CSMD3: variants seen among roughly 807,000 people sequenced by gnomAD.
The protein encoded by CSMD3 is CUB and sushi domain-containing protein 3.
Under a neutral mutation model 435.2 loss-of-function variants are expected in CSMD3, and 177 were observed. The ratio of observed to expected loss-of-function variants is 0.41; its 90% confidence interval spans 0.36 to 0.46. CSMD3 has a LOEUF of 0.46. Ranked by LOEUF, CSMD3 falls within the 20% of genes least tolerant of loss-of-function variation. The probability of loss-of-function intolerance (pLI) is 0.34; values close to 1 mark genes in which losing one functional copy is unlikely to be tolerated. For missense variants in CSMD3, 4,265 were observed against 4,504.6 expected, an observed-to-expected ratio of 0.95 and a Z score of 1.52; for synonymous variants, 1,656 against 1,520.5, an observed-to-expected ratio of 1.09 and a Z score of -2.07.
chr8:112,598,278 A>G (rs1831952982), intron 22 of CSMD3, among the ~76,000 whole-genome samples: 1 of 145,134 alleles, frequency 6.9e-6, no homozygotes, highest in Admixed American at 6.9e-5. Flanking sequence ...ATTGCTTCAA[A>G]GAGAATAAAA....
chr8:113,126,424 G>A (rs981350777), intron 4 of CSMD3, among the ~76,000 whole-genome samples: 1 of 151,766 alleles, frequency 6.6e-6, no homozygotes, highest in African/African-American at 2.4e-5. Flanking sequence ...TTATATTGAT[G>A]TATATAGTTG....
chr8:112,970,077 T>C (rs1198484280), intron 7 of CSMD3, among the ~76,000 whole-genome samples: 2 of 151,954 alleles, frequency 1.3e-5, no homozygotes, highest in East Asian at 1.9e-4. Context: ...GTCCATAATT[T>C]TCTCCACAAA....
At chr8:112,872,689 A>G (rs1235817760) in intron 10 of CSMD3, among the ~76,000 whole-genome samples, 1 of 151,994 alleles carries the variant, frequency 6.6e-6, no homozygotes, top group Non-Finnish European at 1.5e-5. Flanking sequence ...GGATGAAAAG[A>G]TACATGGTAT....
intron 4 of CSMD3, among the ~76,000 whole-genome samples, chr8:113,107,944 G>A: frequency 6.6e-6 from 1 of 152,078 alleles, no homozygotes; most frequent in East Asian, 1.9e-4. Context: ...AACATGAAAT[G>A]AACAAATAAA....
intron 1 of CSMD3, among the ~76,000 whole-genome samples, chr8:113,383,567 T>C (rs559912887): frequency 1.3e-5 from 2 of 152,114 alleles, no homozygotes; most frequent in East Asian, 3.9e-4. Context: ...TCTGAGAATA[T>C]AAAGTTTGGA....
chr8:113,038,750 A>G (rs1208435013), intron 5 of CSMD3, among the ~76,000 whole-genome samples: 1 of 152,134 alleles, frequency 6.6e-6, no homozygotes, highest in African/African-American at 2.4e-5. Flanking sequence ...TTAGGGAAGA[A>G]AGACCATAAT....
chr8:113,369,672 CAAAT>C (rs1014660898), intron 1 of CSMD3, among the ~76,000 whole-genome samples: 14 of 151,512 alleles, frequency 9.2e-5, no homozygotes, highest in African/African-American at 2.9e-4. Context: ...CATCAACAGA[CAAAT>C]AGATAAAGAA....
At chr8:112,869,567 A>AAAGACACTT (rs2081074149) in intron 10 of CSMD3, among the ~76,000 whole-genome samples, 1 of 152,190 alleles carries the variant, frequency 6.6e-6, no homozygotes, top group Non-Finnish European at 1.5e-5. Flanking sequence ...ATCCTACTAT[A>AAAGACACTT]AAGACACTTG....
At chr8:112,998,189 AAT>A (rs2085726700) in intron 6 of CSMD3, among the ~76,000 whole-genome samples, 1 of 151,820 alleles carries the variant, frequency 6.6e-6, no homozygotes, top group African/African-American at 2.4e-5. Flanking sequence ...TTAAATAAAT[AAT>A]GATTGTTTTA....
chr8:112,618,108 C>T (rs1415888017), intron 22 of CSMD3, among the ~76,000 whole-genome samples: 1 of 151,960 alleles, frequency 6.6e-6, no homozygotes, highest in Non-Finnish European at 1.5e-5. Context: ...AAGAGATCTC[C>T]AGGTTAAAAT....
intron 5 of CSMD3, among the ~76,000 whole-genome samples, chr8:113,098,129 A>G (rs1043831572): frequency 6.6e-6 from 1 of 152,026 alleles, no homozygotes; most frequent in Admixed American, 6.6e-5. Context: ...AAATCTTCAC[A>G]TGGCTTAAAA....
At chr8:112,864,705 G>A (rs1339105527) in intron 10 of CSMD3, among the ~76,000 whole-genome samples, 2 of 152,168 alleles carry the variant, frequency 1.3e-5, no homozygotes, top group East Asian at 3.9e-4. Context: ...AAAAAACAAT[G>A]AAGGGGCATT....
chr8:112,371,954 G>A (rs367660275), intron 38 of CSMD3, among the ~76,000 whole-genome samples: 4 of 151,602 alleles, frequency 2.6e-5, no homozygotes, highest in African/African-American at 7.2e-5. Context: ...ACAAATGACA[G>A]TTCCAAAGAC....
At chr8:112,612,602 C>T (rs1833342862) in intron 22 of CSMD3, among the ~76,000 whole-genome samples, 1 of 151,476 alleles carries the variant, frequency 6.6e-6, no homozygotes, top group South Asian at 2.1e-4. Flanking sequence ...TGGGAAACAG[C>T]GTTCTTCTGA....
chr8:112,223,301 C>G lies in CSMD3; in HGVS notation c.*1470G>C. ...TAAATGTTGTAGAGATAGAGCCAAGCAGCGCTCCCAGGTGCAAGGGTTTCT... is the reference window on the plus strand; with the variant it reads ...TAAATGTTGTAGAGATAGAGCCAAGGAGCGCTCCCAGGTGCAAGGGTTTCT... On this transcript the variant is annotated 3_prime_UTR_variant, in exon 71 of 71. Coordinates refer to ENST00000297405, the MANE Select transcript of CSMD3 (RefSeq NM_198123.2). 2.8e-6 allele frequency: 1 copy of G among 360,072 alleles called. No individual in the cohort carries two copies. Among genetic ancestry groups the G allele is most frequent in the Non-Finnish European group, 5.0e-6 (1 of 200,690 alleles). 22.3% of individuals were successfully genotyped at this position (360,072 alleles called of 1,614,324 possible).
rs1486319011 is a variant in CSMD3 at position 112,550,757 on chromosome 8, C to T, written c.4478G>A (p.Gly1493Glu). The change falls in exon 27 of 71, where the codon GGA (glycine) becomes GAA (glutamate). Residue 1493 changes from glycine (G) to glutamate (E), a missense_variant. Coordinates refer to ENST00000297405, the MANE Select transcript of CSMD3 (RefSeq NM_198123.2). ...KEISGSLIPE[G>E]IHSTLNIVTI... The stretch of plus-strand genomic sequence containing the variant: ...TACTATATTGAGGGTGCTATGAATT[C>T]CTTCAGGAATAAGAGATCCACTAAT... The T allele has an allele frequency of 3.1e-6, 5 of 1,604,408 alleles. No homozygotes were observed. In the Admixed American group the frequency reaches 8.4e-5, roughly 27 times the overall value.
chr8:112,585,072 A>G (rs1830618194), intron 23 of CSMD3, among the ~76,000 whole-genome samples: 1 of 151,658 alleles, frequency 6.6e-6, no homozygotes, highest in South Asian at 2.1e-4. Context: ...GGTAACATTA[A>G]GCATCTTACC....
At chr8:112,501,879 T>A (rs1050508629) in intron 30 of CSMD3, among the ~76,000 whole-genome samples, 3 of 152,216 alleles carry the variant, frequency 2.0e-5, no homozygotes, top group African/African-American at 7.2e-5. Flanking sequence ...ATTAAAGCTA[T>A]ATGTTTCTAA....
chr8:112,972,376 A>G lies in CSMD3; in HGVS notation c.1342+3461T>C, dbSNP rs374802143. Among the ~76,000 whole-genome samples, 18 of 152,014 alleles carry G rather than the reference A, an allele frequency of 1.2e-4. No individual in the cohort carries two copies. In the South Asian group the frequency reaches 3.7e-3, roughly 31 times the overall value. On this transcript the variant is annotated intron_variant, in intron 7 of 70. Coordinates refer to ENST00000297405, the MANE Select transcript of CSMD3 (RefSeq NM_198123.2). ...AATTAACTTCAACAAAATAATATTC[A>G]GTAGAATATTTTTTCATAGGATATT...
Sources: allele counts gnomAD v4.1 joint callset (sites outside exome capture counted in the v4.1 genomes callset), GRCh38; gene constraint gnomAD v4.1.1; transcripts MANE v1.5; gene names NCBI Gene and HGNC (gene_info 2026-07-23, HGNC 2026-07-21).